The following C12orf56 variants were observed in gnomAD, a reference collection of about 807,000 sequenced individuals.
C12orf56 encodes the protein uncharacterized protein C12orf56.
C12orf56 carries 71 observed loss-of-function variants against 69.9 expected under a neutral mutation model. The ratio of observed to expected loss-of-function variants is 1.02; its 90% CI spans 0.84 to 1.24. The LOEUF is 1.24. Among genes scored for constraint, C12orf56 ranks in the 50% most tolerant of loss-of-function variants. C12orf56 has a pLI of 0.00. For missense variants in C12orf56, 732 were observed against 738.5 expected, an observed-to-expected ratio of 0.99 and a Z score of 0.10; for synonymous variants, 276 against 274.1, an observed-to-expected ratio of 1.01 and a Z score of -0.07.
At chr12:64,303,344 C>A (rs73327153) in intron 6 of C12orf56, among the ~76,000 whole-genome samples, 4,704 of 148,532 alleles carry the variant, frequency 0.032, 251 homozygotes, top group African/African-American at 0.11. Flanking sequence ...ATCTTGTATG[C>A]CAAAAATGTT....
chr12:64,338,650 G>A, intron 2 of C12orf56: 9 of 1,591,272 alleles, frequency 5.7e-6, no homozygotes, highest in Non-Finnish European at 6.9e-6. Context: ...TTAGTCTTTG[G>A]GTTTGCACAA....
intron 3 of C12orf56, among the ~76,000 whole-genome samples, chr12:64,321,816 C>T (rs1464591872): frequency 6.6e-6 from 1 of 151,798 alleles, no homozygotes; most frequent in Non-Finnish European, 1.5e-5. Flanking sequence ...TTTTAATTTC[C>T]TTTATTATTT....
At chr12:64,307,164 C>CT (rs1376314133) in intron 5 of C12orf56, among the ~76,000 whole-genome samples, 1 of 151,898 alleles carries the variant, frequency 6.6e-6, no homozygotes, top group Non-Finnish European at 1.5e-5. Flanking sequence ...AAAACTGATG[C>CT]TTTTTTTAGA....
chr12:64,301,396 G>A (rs2038444131), intron 6 of C12orf56, among the ~76,000 whole-genome samples: 1 of 152,016 alleles, frequency 6.6e-6, no homozygotes. Context: ...AACTCCTCAG[G>A]CCGCCACAAA....
At chr12:64,334,132 G>A (rs1046047511) in intron 2 of C12orf56, among the ~76,000 whole-genome samples, 1 of 152,176 alleles carries the variant, frequency 6.6e-6, no homozygotes, top group African/African-American at 2.4e-5. Context: ...AACATTTTTA[G>A]AAGGGACACT....
intron 3 of C12orf56, among the ~76,000 whole-genome samples, chr12:64,322,323 C>T (rs1410395483): frequency 2.0e-5 from 3 of 152,104 alleles, no homozygotes; most frequent in Non-Finnish European, 4.4e-5. Flanking sequence ...CAGTGACTTT[C>T]CTCTGTCATC....
At chr12:64,352,836 A>G in intron 2 of C12orf56, 58 bp downstream of exon 2, 1 of 1,301,588 alleles carries the variant, frequency 7.7e-7, no homozygotes, top group Non-Finnish European at 1.0e-6. Context: ...ATTTTAAGAA[A>G]TATATATATA....
chr12:64,371,903 CTTTT>C (rs750455670), intron 1 of C12orf56, among the ~76,000 whole-genome samples: 7 of 121,876 alleles, frequency 5.7e-5, no homozygotes, highest in Admixed American at 8.0e-5. Flanking sequence ...GCAATGATTT[CTTTT>C]TTTTTTTTTT....
intron 2 of C12orf56, among the ~76,000 whole-genome samples, chr12:64,344,297 CTG>C: frequency 6.6e-6 from 1 of 152,174 alleles, no homozygotes; most frequent in South Asian, 2.1e-4. Flanking sequence ...GGTCTGTAAA[CTG>C]GCTCAAATCT....
rs372174913 is a variant in C12orf56 at position 64,297,274 on chromosome 12, G to A, written c.1113+6361C>T. Among the ~76,000 whole-genome samples, 16 of 152,268 alleles carry A rather than the reference G, an allele frequency of 1.1e-4. 1 individual carries two copies. Among genetic ancestry groups the A allele is most frequent in the African/African-American group, 3.4e-4 (14 of 41,558 alleles). Reference sequence around the variant, plus strand: ...AAATCTGAGGATAGATTTTGGCTGTGGATTAGACAGAAGAACATAAGGCTA... The same window carrying A: ...AAATCTGAGGATAGATTTTGGCTGTAGATTAGACAGAAGAACATAAGGCTA... On this transcript the variant is annotated intron_variant, in intron 6 of 12. Coordinates refer to ENST00000543942, the MANE Select transcript of C12orf56 (RefSeq NM_001170633.2).
At chr12:64,275,668 A>G (rs994001815) in intron 9 of C12orf56, among the ~76,000 whole-genome samples, 9 of 152,234 alleles carry the variant, frequency 5.9e-5, no homozygotes, top group Non-Finnish European at 1.2e-4. Context: ...AGGTCTCACT[A>G]TATTGCCCAG....
Position 64,367,511 on chromosome 12 carries a change from C to T in C12orf56, c.253-14455G>A, listed in dbSNP as rs945242552. On this transcript the variant is annotated intron_variant, in intron 1 of 12. Transcript: ENST00000543942. ...GAGACAACGTTTAAGGAGAGATACT[C>T]TTTTTTTTTTTTGAGACAGAGCCTT... Among the ~76,000 whole-genome samples the T allele has an allele frequency of 2.1e-5, 3 of 143,146 alleles. No homozygotes were observed. In the South Asian group the frequency reaches 6.6e-4, roughly 31 times the overall value. The allele number at this position is 143,146 out of a possible 152,430, so 93.9% of individuals were successfully genotyped here.
chr12:64,388,406 A>G (rs893704971), intron 1 of C12orf56, among the ~76,000 whole-genome samples: 1 of 151,982 alleles, frequency 6.6e-6, no homozygotes, highest in South Asian at 2.1e-4. Flanking sequence ...ACCACCATAC[A>G]CAGCTATTTA....
intron 4 of C12orf56, among the ~76,000 whole-genome samples, chr12:64,318,247 C>T (rs117050557): frequency 4.7e-4 from 72 of 151,954 alleles, no homozygotes; most frequent in East Asian, 1.2e-3. Flanking sequence ...TTTTTAGTAG[C>T]GACAAGGGTT....
chr12:64,355,650 A>G (rs2039301098), intron 1 of C12orf56: 1 of 152,230 alleles, frequency 6.6e-6, no homozygotes, highest in Non-Finnish European at 1.5e-5. Flanking sequence ...GACTTAATAG[A>G]TAATCATCAG....
At chr12:64,323,542 A>G (rs2038798885) in intron 3 of C12orf56, among the ~76,000 whole-genome samples, 1 of 151,250 alleles carries the variant, frequency 6.6e-6, no homozygotes, top group African/African-American at 2.4e-5. Flanking sequence ...ACAGTAACCT[A>G]AAACAACTAC....
chr12:64,374,442 A>T (rs533938461), intron 1 of C12orf56, among the ~76,000 whole-genome samples: 12 of 152,312 alleles, frequency 7.9e-5, no homozygotes, highest in Admixed American at 2.6e-4. Flanking sequence ...AGAATAATAT[A>T]TCACTCACAA....
intron 2 of C12orf56, among the ~76,000 whole-genome samples, chr12:64,333,381 C>T (rs1462399607): frequency 3.9e-5 from 6 of 152,000 alleles, no homozygotes; most frequent in Non-Finnish European, 8.8e-5. Flanking sequence ...TCCAAATTCA[C>T]TAACCAAACT....
At chr12:64,326,856 C>T (rs1440611875) in intron 3 of C12orf56, among the ~76,000 whole-genome samples, 1 of 152,144 alleles carries the variant, frequency 6.6e-6, no homozygotes. Flanking sequence ...AATATTTGTC[C>T]CCTCCAAAAC....
Sources: gnomAD v4.1 joint callset for allele counts (sites outside exome capture counted in the v4.1 genomes callset) on GRCh38, gnomAD v4.1.1 for gene constraint, MANE v1.5 for transcripts, NCBI Gene and HGNC (gene_info 2026-07-23, HGNC 2026-07-21) for gene names.